CERS6: variants seen among roughly 807,000 people sequenced by gnomAD.
CERS6 encodes the protein ceramide synthase 6.
In CERS6, 26 loss-of-function variants were observed where a neutral mutation model predicts 56.8. The observed-to-expected ratio is 0.46, with a 90% confidence interval of 0.34 to 0.63. The LOEUF (loss-of-function observed/expected upper bound fraction) is 0.63. Ranked by LOEUF, CERS6 falls within the 30% of genes least tolerant of loss-of-function variation. The pLI, the probability that CERS6 is intolerant of heterozygous loss-of-function variation, is 0.01. For synonymous variants in CERS6, 164 were observed against 173.3 expected (o/e 0.95, Z 0.42); for missense variants, 415 against 467.5 (o/e 0.89, Z 1.04).
At chr2:168,549,165 A>G (rs2105373341) in intron 2 of CERS6, among the ~76,000 whole-genome samples, 1 of 152,312 alleles carries the variant, frequency 6.6e-6, no homozygotes, top group East Asian at 1.9e-4. Context: ...AATGAATAAT[A>G]AAATGAGGTG....
At chr2:168,569,795 A>G (rs909284635) in intron 3 of CERS6, among the ~76,000 whole-genome samples, 1 of 152,144 alleles carries the variant, frequency 6.6e-6, no homozygotes, top group East Asian at 1.9e-4. Flanking sequence ...CCTCTCGGGT[A>G]TTTGGGAGGG....
In CERS6 at chr2:168,502,049, G is replaced by GT. The variant is rs1282987051; in HGVS notation, c.170+45431_170+45432insT. On this transcript the variant is annotated intron_variant, in intron 1 of 9. Transcript: ENST00000305747. ...ACCACTGGGGAGTGAGAATTGGCCT[G>GT]GAGGGGGCTTTAGGGACTTACCTGG... Among the ~76,000 whole-genome samples the GT allele has an allele frequency of 1.4e-3, 206 of 152,308 alleles. No individual in the cohort carries two copies. In the Middle Eastern group the frequency reaches 0.014, roughly 10 times the overall value.
chr2:168,660,683 T>C (rs115643093), intron 4 of CERS6, among the ~76,000 whole-genome samples: 1 of 152,340 alleles, frequency 6.6e-6, no homozygotes, highest in East Asian at 1.9e-4. Context: ...TCATTATCTT[T>C]GGATATCCAT....
At chr2:168,532,809 G>T (rs1288488511) in intron 1 of CERS6, among the ~76,000 whole-genome samples, 3 of 152,050 alleles carry the variant, frequency 2.0e-5, no homozygotes, top group Non-Finnish European at 4.4e-5. Flanking sequence ...CCATTGTTTG[G>T]CAACAAATAC....
At chr2:168,481,408 C>T (rs1194207014) in intron 1 of CERS6, among the ~76,000 whole-genome samples, 2 of 151,708 alleles carry the variant, frequency 1.3e-5, no homozygotes, top group African/African-American at 2.4e-5. Flanking sequence ...AGGGAGACTC[C>T]GTCTCAAAAA....
chr2:168,540,136 T>C (rs1695340196), intron 1 of CERS6, among the ~76,000 whole-genome samples: 1 of 151,940 alleles, frequency 6.6e-6, no homozygotes, highest in African/African-American at 2.4e-5. Context: ...TTGCTGAACA[T>C]AGAATTTTTG....
At chr2:168,487,924 T>C (rs1230448038) in intron 1 of CERS6, among the ~76,000 whole-genome samples, 1 of 152,164 alleles carries the variant, frequency 6.6e-6, no homozygotes, top group Non-Finnish European at 1.5e-5. Context: ...GTTGCCATGT[T>C]GCCCAGGTTG....
At chr2:168,483,959 A>G (rs74645335) in intron 1 of CERS6, among the ~76,000 whole-genome samples, 3 of 152,044 alleles carry the variant, frequency 2.0e-5, no homozygotes, top group Non-Finnish European at 4.4e-5. Flanking sequence ...GGTTATGCTG[A>G]TGTTGCTAGT....
chr2:168,589,940 C>T (rs756020210), intron 3 of CERS6, among the ~76,000 whole-genome samples: 8 of 152,080 alleles, frequency 5.3e-5, no homozygotes, highest in African/African-American at 9.7e-5. Context: ...ATGTTTGAGC[C>T]TCGACTGAAA....
intron 2 of CERS6, among the ~76,000 whole-genome samples, chr2:168,551,836 C>T (rs942887809): frequency 4.6e-5 from 7 of 152,064 alleles, no homozygotes; most frequent in African/African-American, 9.7e-5. Flanking sequence ...TTTTTGAGCT[C>T]GTGTTTCTTA....
intron 8 of CERS6, among the ~76,000 whole-genome samples, chr2:168,757,770 A>G (rs1048798987): frequency 6.6e-6 from 1 of 152,194 alleles, no homozygotes; most frequent in African/African-American, 2.4e-5. Flanking sequence ...TTAATAGATT[A>G]GTGACTAATA....
At chr2:168,579,476 T>G (rs1015517477) in intron 3 of CERS6, among the ~76,000 whole-genome samples, 2 of 152,152 alleles carry the variant, frequency 1.3e-5, no homozygotes, top group Admixed American at 6.5e-5. Context: ...TTCCAATTCC[T>G]TCCTTGCGTG....
chr2:168,577,706 A>G (rs1010535581), intron 3 of CERS6, among the ~76,000 whole-genome samples: 4 of 152,166 alleles, frequency 2.6e-5, no homozygotes, highest in Non-Finnish European at 5.9e-5. Flanking sequence ...AGACAGGGGC[A>G]TAGGGAGGCA....
At chr2:168,647,106 G>A (rs948859811) in intron 4 of CERS6, among the ~76,000 whole-genome samples, 8 of 152,084 alleles carry the variant, frequency 5.3e-5, no homozygotes, top group Admixed American at 1.3e-4. Flanking sequence ...ATATTGAACC[G>A]GTAAATTGAT....
rs539389569 is a variant in CERS6, at chr2:168,678,499, T to C, written c.466-12535T>C. On this transcript the variant is annotated intron_variant, in intron 4 of 9. Transcript: ENST00000305747. ...ATTTTGGTTTATTGTTTTAAGTCCA[T>C]TGTTTTATTTTCATGTGTCCTCTAC... is the stretch of plus-strand genomic sequence containing the variant. Among the ~76,000 whole-genome samples the C allele has an allele frequency of 1.2e-4, 18 of 152,330 alleles. No individual in the cohort carries two copies. In the South Asian group the frequency reaches 2.3e-3, roughly 19 times the overall value.
At chr2:168,540,497 T>C (rs1038721842) in intron 1 of CERS6, among the ~76,000 whole-genome samples, 3 of 152,206 alleles carry the variant, frequency 2.0e-5, no homozygotes, top group Non-Finnish European at 4.4e-5. Flanking sequence ...ATAATGGTAA[T>C]GTCCTGTACA....
At chr2:168,720,119 G>A (rs1239415678) in intron 8 of CERS6, among the ~76,000 whole-genome samples, 3 of 150,020 alleles carry the variant, frequency 2.0e-5, no homozygotes, top group African/African-American at 7.4e-5. Context: ...TAGTAGAGAC[G>A]AGGTTTCACC....
chr2:168,571,598 A>C (rs1019989906), intron 3 of CERS6, among the ~76,000 whole-genome samples: 5 of 152,170 alleles, frequency 3.3e-5, no homozygotes, highest in Admixed American at 2.6e-4. Flanking sequence ...ATCCAAATTC[A>C]TAATAAGCCC....
chr2:168,550,782 G>GCCCTAC (rs1695555869), intron 2 of CERS6, among the ~76,000 whole-genome samples: 1 of 152,184 alleles, frequency 6.6e-6, no homozygotes, highest in Non-Finnish European at 1.5e-5. Context: ...AAAAGGCTCA[G>GCCCTAC]CCCTACCGAG....
Sources: allele counts gnomAD v4.1 joint callset (sites outside exome capture counted in the v4.1 genomes callset), GRCh38; gene constraint gnomAD v4.1.1; transcripts MANE v1.5; gene names NCBI Gene and HGNC (gene_info 2026-07-23, HGNC 2026-07-21).